The following NEGR1 variants were observed in gnomAD, a reference collection of about 807,000 sequenced individuals.
The protein encoded by NEGR1 is IgLON family member 4.
NEGR1 carries 10 observed loss-of-function variants against 40.9 expected under a neutral mutation model. The observed-to-expected ratio is 0.24, with a 90% CI of 0.15 to 0.42. The LOEUF (loss-of-function observed/expected upper bound fraction) is 0.42. Ranked by LOEUF, NEGR1 falls within the 10% of genes least tolerant of loss-of-function variation. The pLI is 1.00. For synonymous variants in NEGR1, 185 were observed against 166.8 expected, an observed-to-expected ratio of 1.11 and a Z score of -0.84; for missense variants, 352 against 438.9, an observed-to-expected ratio of 0.80 and a Z score of 1.77.
chr1:71,681,418 C>T (rs748290708), intron 4 of NEGR1, among the ~76,000 whole-genome samples: 2 of 152,164 alleles, frequency 1.3e-5, no homozygotes, highest in Non-Finnish European at 2.9e-5. Context: ...AAGAGTATTA[C>T]TATGATTCTG....
chr1:72,158,480 G>A (rs1213892667), intron 1 of NEGR1, among the ~76,000 whole-genome samples: 1 of 152,064 alleles, frequency 6.6e-6, no homozygotes, highest in Non-Finnish European at 1.5e-5. Context: ...CTTTTCATGT[G>A]ACACAGTGGC....
intron 3 of NEGR1, among the ~76,000 whole-genome samples, chr1:71,698,958 A>G (rs1653584652): frequency 6.6e-6 from 1 of 151,854 alleles, no homozygotes; most frequent in South Asian, 2.1e-4. Flanking sequence ...ATTGAGCAGG[A>G]TCCTAATTAT....
At chr1:72,062,863 C>A (rs1323514558) in intron 1 of NEGR1, among the ~76,000 whole-genome samples, 2 of 151,836 alleles carry the variant, frequency 1.3e-5, no homozygotes, top group Admixed American at 1.3e-4. Flanking sequence ...CATTATTAAC[C>A]AATTAAGAAA....
At chr1:71,920,771 G>A (rs745581589) in intron 2 of NEGR1, among the ~76,000 whole-genome samples, 6 of 152,138 alleles carry the variant, frequency 3.9e-5, no homozygotes, top group South Asian at 2.1e-4. Context: ...TTCTCCACCC[G>A]GCACAGGTGC....
chr1:71,404,994 C>T lies in NEGR1; in HGVS notation c.*2452G>A, dbSNP rs762771851. ...TAAATACTCATGATTTCACTCTGTC[C>T]GAGGGCCTAAGGACTAGGAATGCTG... is the stretch of plus-strand genomic sequence containing the variant. On this transcript the variant is annotated 3_prime_UTR_variant, in exon 7 of 7. Coordinates refer to ENST00000357731, the MANE Select transcript of NEGR1 (RefSeq NM_173808.3). 4.6e-5 allele frequency: 7 copies of T among 152,090 alleles called. No individual in the cohort carries two copies. In the Admixed American group the frequency reaches 4.6e-4, roughly 10 times the overall value. 9.4% of individuals were successfully genotyped at this position (152,090 alleles called of 1,614,324 possible).
chr1:71,563,769 C>G (rs139784843), intron 6 of NEGR1, among the ~76,000 whole-genome samples: 1 of 151,800 alleles, frequency 6.6e-6, no homozygotes, highest in Admixed American at 6.6e-5. Context: ...ATAAATAAAT[C>G]TAGCATTTGT....
In NEGR1 at chr1:71,757,467, T is replaced by C. The variant is rs550412151; in HGVS notation, c.535+18705A>G. ...TTGGCTTTGTTTAGGTTAATAGTTA[T>C]ATGGAAGTCTCAGAGAGACTTGGTT... On this transcript the variant is annotated intron_variant, in intron 3 of 6. Transcript: ENST00000357731. Among the ~76,000 whole-genome samples, 21 of 152,236 alleles carry C rather than the reference T, an allele frequency of 1.4e-4. 1 individual carries two copies. The South Asian group carries it at 3.7e-3, about 27-fold the overall frequency.
chr1:71,942,977 A>ATATATATATATATATATAT (rs1557446726), intron 1 of NEGR1, among the ~76,000 whole-genome samples: 1 of 119,510 alleles, frequency 8.4e-6, no homozygotes. Flanking sequence ...TATATATATA[A>ATATATATATATATATATAT]GTATATATGT....
intron 6 of NEGR1, among the ~76,000 whole-genome samples, chr1:71,432,954 C>A (rs1646479428): frequency 6.6e-6 from 1 of 152,100 alleles, no homozygotes; most frequent in South Asian, 2.1e-4. Context: ...ATCATTGAAA[C>A]CTTGGGCGGC....
At chr1:71,513,511 G>T (rs1647091804) in intron 6 of NEGR1, among the ~76,000 whole-genome samples, 1 of 152,132 alleles carries the variant, frequency 6.6e-6, no homozygotes, top group African/African-American at 2.4e-5. Flanking sequence ...AAACTCTGGT[G>T]GATCAACATC....
chr1:71,446,984 ATTC>A (rs1161708679), intron 6 of NEGR1, among the ~76,000 whole-genome samples: 1 of 152,202 alleles, frequency 6.6e-6, no homozygotes. Flanking sequence ...GAGTTCATTC[ATTC>A]TTATTACAGT....
intron 2 of NEGR1, among the ~76,000 whole-genome samples, chr1:71,847,939 A>T (rs918603377): frequency 2.0e-5 from 3 of 152,230 alleles, no homozygotes; most frequent in African/African-American, 4.8e-5. Context: ...ACATTCTTGA[A>T]GAAAATTAAA....
At chr1:72,089,867 A>T (rs2100542274) in intron 1 of NEGR1, among the ~76,000 whole-genome samples, 1 of 152,248 alleles carries the variant, frequency 6.6e-6, no homozygotes, top group Non-Finnish European at 1.5e-5. Flanking sequence ...AGAAATACTG[A>T]GTCACACCTC....
chr1:71,805,488 G>A (rs1019268450), intron 2 of NEGR1, among the ~76,000 whole-genome samples: 9 of 152,086 alleles, frequency 5.9e-5, no homozygotes, highest in Non-Finnish European at 1.3e-4. Context: ...CCGACACTTA[G>A]GGAAAATAGA....
chr1:72,007,115 G>T (rs938685486), intron 1 of NEGR1, among the ~76,000 whole-genome samples: 2 of 151,930 alleles, frequency 1.3e-5, no homozygotes, highest in South Asian at 2.1e-4. Flanking sequence ...TAACACTGCA[G>T]CAATTTGTTT....
At chr1:71,708,785 A>G (rs1337022340) in intron 3 of NEGR1, among the ~76,000 whole-genome samples, 1 of 152,034 alleles carries the variant, frequency 6.6e-6, no homozygotes, top group East Asian at 1.9e-4. Context: ...GTTCCCCACT[A>G]TGCATCCATG....
intron 1 of NEGR1, among the ~76,000 whole-genome samples, chr1:72,060,059 A>G (rs931891666): frequency 6.6e-6 from 1 of 151,718 alleles, no homozygotes; most frequent in African/African-American, 2.4e-5. Context: ...AATTGGCTGG[A>G]AAAATTATAA....
At chr1:71,928,638 C>T (rs1051392551) in intron 2 of NEGR1, among the ~76,000 whole-genome samples, 3 of 150,868 alleles carry the variant, frequency 2.0e-5, no homozygotes, top group Non-Finnish European at 4.4e-5. Flanking sequence ...GTCCTGTTAA[C>T]TAATGAGGCA....
intron 6 of NEGR1, among the ~76,000 whole-genome samples, chr1:71,469,183 G>C (rs1392511306): frequency 6.6e-6 from 1 of 151,888 alleles, no homozygotes; most frequent in East Asian, 1.9e-4. Context: ...TAAATGATTT[G>C]TCACTTTGAA....
Sources: gnomAD v4.1 joint callset for allele counts (sites outside exome capture counted in the v4.1 genomes callset) on GRCh38, gnomAD v4.1.1 for gene constraint, MANE v1.5 for transcripts, NCBI Gene and HGNC (gene_info 2026-07-23, HGNC 2026-07-21) for gene names.